Variants in NRDE2 observed in about 807,000 individuals in gnomAD.
NRDE2 encodes the protein NRDE-2, necessary for RNA interference, domain containing.
In NRDE2, 76 loss-of-function variants were observed where a neutral mutation model predicts 124.2. The ratio of observed to expected loss-of-function variants is 0.61; its 90% CI spans 0.51 to 0.74. The LOEUF (loss-of-function observed/expected upper bound fraction) is 0.74, where lower values mean the gene tolerates loss of function less well. Ranked by LOEUF, NRDE2 falls within the 30% of genes least tolerant of loss-of-function variation. The pLI is 0.00. For synonymous variants in NRDE2, 489 were observed against 528.1 expected, an observed-to-expected ratio of 0.93 and a Z score of 1.01; for missense variants, 1,314 against 1,417.3, an observed-to-expected ratio of 0.93 and a Z score of 1.17.
intron 5 of NRDE2, 119 bp downstream of exon 5, chr14:90,303,815 AT>A: frequency 1.1e-6 from 1 of 877,830 alleles, no homozygotes; most frequent in Non-Finnish European, 1.8e-6. Context: ...TATTCTAATA[AT>A]CTTTGTATGC....
chr14:90,322,640 C>A (rs1247260917), intron 1 of NRDE2, among the ~76,000 whole-genome samples: 2 of 152,134 alleles, frequency 1.3e-5, no homozygotes, highest in Non-Finnish European at 2.9e-5. Context: ...TAATGAATAC[C>A]AACTACACAC....
chr14:90,278,769 G>A, intron 13 of NRDE2: 1 of 536,250 alleles, frequency 1.9e-6, no homozygotes, highest in Non-Finnish European at 3.3e-6. Flanking sequence ...CAGCCAGGCT[G>A]GGACATGATC....
intron 4 of NRDE2, among the ~76,000 whole-genome samples, chr14:90,308,059 C>T (rs1219978446): frequency 2.6e-5 from 4 of 152,148 alleles, no homozygotes; most frequent in South Asian, 4.1e-4. Flanking sequence ...AAAATGTTTA[C>T]ATAAGTCCTT....
chr14:90,302,275 G>A (rs1438722053), intron 6 of NRDE2, among the ~76,000 whole-genome samples: 1 of 152,278 alleles, frequency 6.6e-6, no homozygotes, highest in African/African-American at 2.4e-5. Context: ...CAAAATTAAT[G>A]TTCCAGGTTC....
intron 6 of NRDE2, 129 bp downstream of exon 6, chr14:90,302,591 T>C: frequency 3.7e-6 from 4 of 1,089,274 alleles, no homozygotes; most frequent in Non-Finnish European, 3.8e-6. Context: ...AATACTTTTT[T>C]AAAAAAATCA....
intron 9 of NRDE2, among the ~76,000 whole-genome samples, chr14:90,291,915 C>A (rs1892280342): frequency 6.6e-6 from 1 of 152,242 alleles, no homozygotes; most frequent in Admixed American, 6.5e-5. Flanking sequence ...GACGTCAGAG[C>A]ACTCAACAAA....
At chr14:90,326,361 G>A (rs993843266) in intron 1 of NRDE2, among the ~76,000 whole-genome samples, 8 of 151,996 alleles carry the variant, frequency 5.3e-5, no homozygotes, top group African/African-American at 1.9e-4. Flanking sequence ...GGGCGCGGTG[G>A]CGGGCGCCTG....
At chr14:90,298,603 T>C (rs1303551782) in intron 7 of NRDE2, among the ~76,000 whole-genome samples, 2 of 152,186 alleles carry the variant, frequency 1.3e-5, no homozygotes, top group Admixed American at 1.3e-4. Flanking sequence ...TACCTCTGCC[T>C]TGTGGTTTTC....
Position 90,304,655 on chromosome 14 carries a change from A to G in NRDE2, c.558-273T>C, listed in dbSNP as rs571981111. On this transcript the variant is annotated intron_variant, in intron 4 of 13. Transcript: ENST00000354366. ...TGTCTTCTAGATCTTAGTAATTTCTATTTTCCTGGAGCCTTGTAAAGAACT... is the reference window on the plus strand; with the variant it reads ...TGTCTTCTAGATCTTAGTAATTTCTGTTTTCCTGGAGCCTTGTAAAGAACT... The G allele has an allele frequency of 4.0e-5, 14 of 347,748 alleles. No individual in the cohort carries two copies. The South Asian group carries it at 7.3e-4, about 18-fold the overall frequency. The allele number at this position is 347,748 out of a possible 1,614,324, so 21.5% of individuals were successfully genotyped here. A position where few individuals can be genotyped will look rare whatever the true frequency, so the allele number is the denominator to read the frequency against.
In NRDE2 at chr14:90,276,952, A is replaced by C. The variant is rs1279655277; in HGVS notation, c.*1384T>G. On this transcript the variant is annotated 3_prime_UTR_variant, in exon 14 of 14. Coordinates refer to ENST00000354366, the MANE Select transcript of NRDE2 (RefSeq NM_017970.4). ...GTGGAGAAGGTCCCTCTTTGTGGGC[A>C]GCCAGGAACTCATGACAGTTCAAGC... is the stretch of plus-strand genomic sequence containing the variant. The C allele has an allele frequency of 1.3e-5, 2 of 152,278 alleles. No individual in the cohort carries two copies. The highest frequency in any genetic ancestry group is 3.9e-4 in the East Asian group (2 of 5,194). The allele number at this position is 152,278 out of a possible 1,614,324, so 9.4% of individuals were successfully genotyped here. A position where few individuals can be genotyped will look rare whatever the true frequency, so the allele number is the denominator to read the frequency against.
chr14:90,317,017 G>T (rs1885071937), intron 2 of NRDE2, among the ~76,000 whole-genome samples: 1 of 152,176 alleles, frequency 6.6e-6, no homozygotes. Context: ...AACAGGTGAA[G>T]AAATTCCAAT....
At chr14:90,291,604 G>A (rs1056085017) in intron 9 of NRDE2, among the ~76,000 whole-genome samples, 5 of 149,814 alleles carry the variant, frequency 3.3e-5, no homozygotes, top group South Asian at 2.1e-4. Flanking sequence ...CAGCTTCAGC[G>A]AGGCAAGAGG....
chr14:90,297,386 C>T (rs889689545), intron 8 of NRDE2, among the ~76,000 whole-genome samples: 17 of 151,706 alleles, frequency 1.1e-4, no homozygotes, highest in African/African-American at 3.9e-4. Flanking sequence ...AAATTAACAT[C>T]ATCTGTTCCT....
In NRDE2 at chr14:90,273,277, T is replaced by C. The variant is rs1229203081; in HGVS notation, c.*5059A>G. On this transcript the variant is annotated 3_prime_UTR_variant, in exon 14 of 14. Coordinates refer to ENST00000354366, the MANE Select transcript of NRDE2 (RefSeq NM_017970.4). ...GGCTTTGTTTAAAAACAGCACAATT[T>C]GGCCAGGCACGGTGGCTCACGCCTG... 1 of 152,074 alleles carries C rather than the reference T, an allele frequency of 6.6e-6. No homozygotes were observed. Among genetic ancestry groups the C allele is most frequent in the Non-Finnish European group, 1.5e-5 (1 of 68,020 alleles). The allele number at this position is 152,074 out of a possible 1,614,324, so 9.4% of individuals were successfully genotyped here.
intron 3 of NRDE2, 24 bp downstream of exon 3, chr14:90,316,554 A>C (rs1219362596): frequency 6.7e-7 from 1 of 1,500,110 alleles, no homozygotes; most frequent in East Asian, 2.3e-5. Flanking sequence ...AAAATATCAT[A>C]GGTGCTTGAG....
In NRDE2 at chr14:90,288,947, C is replaced by T; in HGVS notation, c.2428G>A (p.Ala810Thr). 2 of 1,612,106 alleles carry T rather than the reference C, an allele frequency of 1.2e-6. No homozygotes were observed. Among genetic ancestry groups the T allele is most frequent in the Non-Finnish European group, 1.7e-6 (2 of 1,178,266 alleles). The change falls in exon 11 of 14, where the codon GCA (alanine) becomes ACA (threonine). Residue 810 changes from alanine to threonine, a missense_variant. Physicochemically the swap from Ala to Thr is moderately conservative, Grantham distance 58. Transcript: ENST00000354366. ...GAGTCTTTCAGTTCTCTGCTTCCTG[C>T]CATGCCAAGTGCTGTGTCAAAAACT... ...RKVFDTALGMAGSRELKDSDL... is the reference protein window; with the variant it reads ...RKVFDTALGMTGSRELKDSDL...
intron 12 of NRDE2, among the ~76,000 whole-genome samples, chr14:90,285,022 T>C (rs1892061794): frequency 6.6e-6 from 1 of 152,046 alleles, no homozygotes; most frequent in African/African-American, 2.4e-5. Context: ...CTCACACCTG[T>C]AATCCCAGCA....
intron 1 of NRDE2, among the ~76,000 whole-genome samples, chr14:90,320,949 G>A (rs915848686): frequency 1.3e-5 from 2 of 152,108 alleles, no homozygotes; most frequent in African/African-American, 2.4e-5. Context: ...TTCCTTCTGA[G>A]GTTGGTTCCC....
At chr14:90,303,431 T>C (rs968863191) in intron 5 of NRDE2, among the ~76,000 whole-genome samples, 1 of 152,228 alleles carries the variant, frequency 6.6e-6, no homozygotes, top group East Asian at 1.9e-4. Flanking sequence ...GGGCCAAATG[T>C]GGCACAAAAT....
Sources: gnomAD v4.1 joint callset for allele counts (sites outside exome capture counted in the v4.1 genomes callset) on GRCh38, gnomAD v4.1.1 for gene constraint, MANE v1.5 for transcripts, NCBI Gene and HGNC (gene_info 2026-07-23, HGNC 2026-07-21) for gene names.